GPC6: variants seen among roughly 807,000 people sequenced by gnomAD.
GPC6 encodes the protein glypican 6, also known as glypican-6.
Under a neutral mutation model 55.2 loss-of-function variants are expected in GPC6, and 14 were observed. The observed-to-expected ratio is 0.25, with a 90% CI of 0.17 to 0.40. The LOEUF (loss-of-function observed/expected upper bound fraction) is 0.40, where lower values mean the gene tolerates loss of function less well. GPC6 is among the 10% of genes least tolerant of loss of function. The probability of loss-of-function intolerance (pLI) is 1.00; values close to 1 mark genes in which losing one functional copy is unlikely to be tolerated. For missense variants in GPC6, 641 were observed against 708.5 expected, an observed-to-expected ratio of 0.90 and a Z score of 1.08; for synonymous variants, 278 against 259.6, an observed-to-expected ratio of 1.07 and a Z score of -0.68.
intron 1 of GPC6, among the ~76,000 whole-genome samples, chr13:93,471,419 A>G (rs536561415): frequency 6.6e-6 from 1 of 151,440 alleles, no homozygotes; most frequent in South Asian, 2.1e-4. Context: ...AGTCCCAGCT[A>G]CTTGAGAGGC....
intron 4 of GPC6, among the ~76,000 whole-genome samples, chr13:94,058,892 A>C (rs1296239594): frequency 2.0e-5 from 3 of 152,312 alleles, no homozygotes; most frequent in East Asian, 3.9e-4. Context: ...AAGTCCCTGA[A>C]TGCTTGCTAC....
chr13:93,869,062 C>T (rs1257498328), intron 3 of GPC6, among the ~76,000 whole-genome samples: 1 of 151,764 alleles, frequency 6.6e-6, no homozygotes, highest in Non-Finnish European at 1.5e-5. Context: ...TTTTAATATA[C>T]CCGTGCTACT....
Position 94,173,528 on chromosome 13 carries a change from G to A in GPC6, c.878-112821G>A, listed in dbSNP as rs573492148. On this transcript the variant is annotated intron_variant, in intron 4 of 8. Coordinates refer to ENST00000377047, the MANE Select transcript of GPC6 (RefSeq NM_005708.5). ...ATTCTGTGAAAAAGATGACCTCAAG[G>A]GAGCACTTACAAGTGTTTTCCAAGC... is the stretch of plus-strand genomic sequence containing the variant. Among the ~76,000 whole-genome samples, 14 of 152,188 alleles carry A rather than the reference G, an allele frequency of 9.2e-5. No individual in the cohort carries two copies. In the South Asian group the frequency reaches 2.9e-3, roughly 32 times the overall value.
intron 4 of GPC6, among the ~76,000 whole-genome samples, chr13:94,116,248 A>G (rs1022392624): frequency 2.0e-5 from 3 of 152,042 alleles, no homozygotes; most frequent in African/African-American, 7.2e-5. Context: ...CCCATTTACC[A>G]TATCAGTGCA....
chr13:93,988,128 AGCTCCT>A (rs1176678061), intron 3 of GPC6, among the ~76,000 whole-genome samples: 1 of 152,192 alleles, frequency 6.6e-6, no homozygotes, highest in Non-Finnish European at 1.5e-5. Flanking sequence ...CAGATCCTCA[AGCTCCT>A]GCCAGAAACA....
chr13:93,510,161 G>A (rs898181425), intron 1 of GPC6, among the ~76,000 whole-genome samples: 2 of 152,038 alleles, frequency 1.3e-5, no homozygotes, highest in African/African-American at 4.8e-5. Context: ...TACATGTAAT[G>A]TGTAGTGATC....
At position 93,698,485 on chromosome 13, in the gene GPC6, C is replaced by CTTTTTTTTT. The variant is rs57058820; in HGVS notation, c.320-131652_320-131644dup. ...TTATCTATTCTGCTACTGTGTGGGTCTTTTTTTTTTTTTTTTTTTTTTTTT... is the reference window on the plus strand; with the variant it reads ...TTATCTATTCTGCTACTGTGTGGGTCTTTTTTTTTTTTTTTTTTTTTTTTTTTTTTTTTT... On this transcript the variant is annotated intron_variant, in intron 2 of 8. Transcript: ENST00000377047. Among the ~76,000 whole-genome samples the CTTTTTTTTT allele has an allele frequency of 6.5e-4, 21 of 32,442 alleles. 2 individuals carry two copies. The highest frequency in any genetic ancestry group is 1.1e-3 in the African/African-American group (9 of 8,176). The allele number at this position is 32,442 out of a possible 152,430, so 21.3% of individuals were successfully genotyped here. A position where few individuals can be genotyped will look rare whatever the true frequency, so the allele number is the denominator to read the frequency against.
At chr13:93,898,395 C>T (rs182659537) in intron 3 of GPC6, among the ~76,000 whole-genome samples, 58 of 152,148 alleles carry the variant, frequency 3.8e-4, no homozygotes, top group Admixed American at 2.0e-3. Context: ...AATGCCATGC[C>T]ATAGGGAAGT....
chr13:93,621,153 A>G (rs965793706), intron 2 of GPC6, among the ~76,000 whole-genome samples: 2 of 152,056 alleles, frequency 1.3e-5, no homozygotes, highest in African/African-American at 4.8e-5. Context: ...TCTACTCTCT[A>G]TAATTACTCA....
intron 1 of GPC6, among the ~76,000 whole-genome samples, chr13:93,293,089 C>A (rs553552862): frequency 6.6e-6 from 1 of 152,112 alleles, no homozygotes; most frequent in Non-Finnish European, 1.5e-5. Flanking sequence ...CTCAAGCCAT[C>A]CTCCCACCTC....
intron 2 of GPC6, among the ~76,000 whole-genome samples, chr13:93,627,038 G>A (rs1179362058): frequency 6.6e-6 from 1 of 151,948 alleles, no homozygotes; most frequent in East Asian, 1.9e-4. Flanking sequence ...AAGTTCTGGG[G>A]TACATGTGCA....
intron 2 of GPC6, among the ~76,000 whole-genome samples, chr13:93,627,331 A>G (rs925585241): frequency 2.4e-4 from 37 of 152,010 alleles, no homozygotes; most frequent in Non-Finnish European, 4.3e-4. Context: ...AAGGACATGA[A>G]CTCATCCTTT....
At chr13:94,141,380 G>A (rs912014847) in intron 4 of GPC6, among the ~76,000 whole-genome samples, 2 of 152,024 alleles carry the variant, frequency 1.3e-5, no homozygotes, top group Non-Finnish European at 2.9e-5. Flanking sequence ...ACTTGTAAGG[G>A]TGTGTGACTT....
intron 1 of GPC6, among the ~76,000 whole-genome samples, chr13:93,370,647 G>C (rs994668286): frequency 1.2e-4 from 18 of 152,126 alleles, no homozygotes; most frequent in Admixed American, 3.3e-4. Context: ...GGAGGAAGAG[G>C]CTGGTGGGAA....
At chr13:93,765,244 A>ACAACTTTCCAGATAAGCTGTCTGGAAAGG in intron 2 of GPC6, among the ~76,000 whole-genome samples, 2 of 78,408 alleles carry the variant, frequency 2.6e-5, no homozygotes, top group Non-Finnish European at 3.7e-5. Flanking sequence ...GTCTGGAAAG[A>ACAACTTTCCAGATAAGCTGTCTGGAAAGG]CAACTTTCCA....
At chr13:93,820,158 G>C (rs1183906857) in intron 2 of GPC6, among the ~76,000 whole-genome samples, 1 of 152,122 alleles carries the variant, frequency 6.6e-6, no homozygotes, top group Non-Finnish European at 1.5e-5. Context: ...GTTGTATACT[G>C]ATGACTTTTC....
intron 4 of GPC6, among the ~76,000 whole-genome samples, chr13:94,199,457 A>G (rs775629953): frequency 6.6e-6 from 1 of 152,116 alleles, no homozygotes; most frequent in African/African-American, 2.4e-5. Context: ...CACAATTCCT[A>G]TGAGCTTCAG....
chr13:93,746,342 C>T (rs1884399127), intron 2 of GPC6, among the ~76,000 whole-genome samples: 1 of 152,144 alleles, frequency 6.6e-6, no homozygotes, highest in Non-Finnish European at 1.5e-5. Flanking sequence ...TGAGCTTATT[C>T]TGGAAGCTTA....
chr13:93,943,753 C>T (rs527545805), intron 3 of GPC6, among the ~76,000 whole-genome samples: 11 of 152,234 alleles, frequency 7.2e-5, no homozygotes, highest in Non-Finnish European at 1.3e-4. Flanking sequence ...TACTCTCCTA[C>T]GCTAAAAAAG....
Sources: gnomAD v4.1 joint callset for allele counts (sites outside exome capture counted in the v4.1 genomes callset) on GRCh38, gnomAD v4.1.1 for gene constraint, MANE v1.5 for transcripts, NCBI Gene and HGNC (gene_info 2026-07-23, HGNC 2026-07-21) for gene names.